FAM204A: variants seen among roughly 807,000 people sequenced by gnomAD.
The protein encoded by FAM204A is family with sequence similarity 204 member A, also known as protein FAM204A.
A neutral mutation model predicts 35.4 loss-of-function variants in FAM204A; 16 were observed. The observed-to-expected ratio is 0.45, with a 90% CI of 0.31 to 0.69. The LOEUF is 0.69. Ranked by LOEUF, FAM204A falls within the 30% of genes least tolerant of loss-of-function variation. The pLI is 0.07. For synonymous variants in FAM204A, 76 were observed against 86.9 expected (o/e 0.88, Z 0.70); for missense variants, 240 against 265.7 (o/e 0.90, Z 0.67).
At position 118,306,305 on chromosome 10, in the gene FAM204A, G is replaced by A. The variant is rs1324591627; in HGVS notation, c.*4552C>T. ...AAACCTGGCAGGGGAGCACTTAGGAGCCGAGGTTTCTCTTGGGCACTACCC... is the reference window on the plus strand; with the variant it reads ...AAACCTGGCAGGGGAGCACTTAGGAACCGAGGTTTCTCTTGGGCACTACCC... On this transcript the variant is annotated 3_prime_UTR_variant, in exon 9 of 9. Transcript: ENST00000369183. 6.6e-6 allele frequency: 1 copy of A among 152,288 alleles called. No individual in the cohort carries two copies. Among genetic ancestry groups the A allele is most frequent in the Non-Finnish European group, 1.5e-5 (1 of 68,094 alleles). The allele number at this position is 152,288 out of a possible 1,614,324, so 9.4% of individuals were successfully genotyped here.
chr10:118,327,577 C>T (rs935341291), intron 6 of FAM204A, among the ~76,000 whole-genome samples: 22 of 152,154 alleles, frequency 1.4e-4, no homozygotes, highest in Non-Finnish European at 2.2e-4. Context: ...AGAAACATCC[C>T]TTTCTTCCAT....
chr10:118,319,730 C>A (rs562942868), intron 7 of FAM204A, among the ~76,000 whole-genome samples: 1 of 151,768 alleles, frequency 6.6e-6, no homozygotes, highest in Non-Finnish European at 1.5e-5. Flanking sequence ...AAGATGGCAG[C>A]GCATTATAAC....
chr10:118,326,340 A>T (rs1846197309), intron 6 of FAM204A, 97 bp from the exon 7 acceptor site: 5 of 992,400 alleles, frequency 5.0e-6, no homozygotes, highest in Non-Finnish European at 7.8e-6. Flanking sequence ...GTGTTACACA[A>T]GTAGACCATT....
rs1208616480 is a variant in FAM204A at position 118,300,582 on chromosome 10, CAT to C, written c.*10273_*10274del. Reference sequence around the variant, plus strand: ...ACATTAATAAAATCATCAAAAACCACATAAACTTCAAAGCAGTATATATCATA... The same window carrying C: ...ACATTAATAAAATCATCAAAAACCACAAACTTCAAAGCAGTATATATCATA... On this transcript the variant is annotated 3_prime_UTR_variant, in exon 9 of 9. Transcript: ENST00000369183. 1 of 152,148 alleles carries C rather than the reference CAT, an allele frequency of 6.6e-6. No homozygotes were observed. Among genetic ancestry groups the C allele is most frequent in the Admixed American group, 6.5e-5 (1 of 15,280 alleles). 9.4% of individuals were successfully genotyped at this position (152,148 alleles called of 1,614,324 possible).
At chr10:118,337,145 G>C (rs1329988153) in intron 2 of FAM204A, 1 of 658,180 alleles carries the variant, frequency 1.5e-6, no homozygotes, top group Non-Finnish European at 1.9e-6. Context: ...CATTAGTAGA[G>C]AGAACCATTA....
rs773850493 is a variant in FAM204A at position 118,300,868 on chromosome 10, A to T, written c.*9989T>A. 1 of 152,254 alleles carries T rather than the reference A, an allele frequency of 6.6e-6. No homozygotes were observed. Among genetic ancestry groups the T allele is most frequent in the Non-Finnish European group, 1.5e-5 (1 of 68,066 alleles). The allele number at this position is 152,254 out of a possible 1,614,324, so 9.4% of individuals were successfully genotyped here. A position where few individuals can be genotyped will look rare whatever the true frequency, so the allele number is the denominator to read the frequency against. ...CTAAGCACAAATGCAATACAGCAAC[A>T]TCAGTAATGGTAACTGAGTGCTTAC... On this transcript the variant is annotated 3_prime_UTR_variant, in exon 9 of 9. Transcript: ENST00000369183.
rs192752749 is a variant in FAM204A at position 118,300,562 on chromosome 10, A to T, written c.*10295T>A. 46 of 152,324 alleles carry T rather than the reference A, an allele frequency of 3.0e-4. No individual in the cohort carries two copies. Among genetic ancestry groups the T allele is most frequent in the African/African-American group, 9.9e-4 (41 of 41,574 alleles). 9.4% of individuals were successfully genotyped at this position (152,324 alleles called of 1,614,324 possible). A position where few individuals can be genotyped will look rare whatever the true frequency, so the allele number is the denominator to read the frequency against. ...ATATGCTAGGACTATTATGCACATT[A>T]ATAAAATCATCAAAAACCACATAAA... On this transcript the variant is annotated 3_prime_UTR_variant, in exon 9 of 9. Transcript: ENST00000369183.
At chr10:118,341,536 G>A (rs1258660066) in intron 2 of FAM204A, among the ~76,000 whole-genome samples, 191 bp downstream of exon 2, 3 of 152,186 alleles carry the variant, frequency 2.0e-5, no homozygotes, top group East Asian at 3.8e-4. Flanking sequence ...ACAGGCCTGA[G>A]AGCGAATCCA....
chr10:118,318,264 A>T (rs1461332439), intron 7 of FAM204A, among the ~76,000 whole-genome samples: 1 of 152,052 alleles, frequency 6.6e-6, no homozygotes, highest in African/African-American at 2.4e-5. Context: ...GACATAAAAT[A>T]TATTTTGCCA....
chr10:118,306,043 A>C lies in FAM204A; in HGVS notation c.*4814T>G, dbSNP rs1419879039. ...CAGAACTTACAGATGAATATGAAAC[A>C]GACATCAATAATTACAGCTTGCACT... On this transcript the variant is annotated 3_prime_UTR_variant, in exon 9 of 9. Transcript: ENST00000369183. 1 of 152,290 alleles carries C rather than the reference A, an allele frequency of 6.6e-6. No homozygotes were observed. The highest frequency in any genetic ancestry group is 2.4e-5 in the African/African-American group (1 of 41,472). 9.4% of individuals were successfully genotyped at this position (152,290 alleles called of 1,614,324 possible).
rs1214552656 is a variant in FAM204A at position 118,307,148 on chromosome 10, TC to T, written c.*3708del. The T allele has an allele frequency of 6.6e-6, 1 of 152,206 alleles. No individual in the cohort carries two copies. The highest frequency in any genetic ancestry group is 2.4e-5 in the African/African-American group (1 of 41,448). 9.4% of individuals were successfully genotyped at this position (152,206 alleles called of 1,614,324 possible). On this transcript the variant is annotated 3_prime_UTR_variant, in exon 9 of 9. Coordinates refer to ENST00000369183, the MANE Select transcript of FAM204A (RefSeq NM_022063.3). ...TACTCTGATTACCTCATAATAAAAA[TC>T]ACTTGAGATGCACTGCCGTGGGTTT...
chr10:118,323,897 A>T (rs1057209955), intron 7 of FAM204A, among the ~76,000 whole-genome samples: 1 of 152,160 alleles, frequency 6.6e-6, no homozygotes, highest in Non-Finnish European at 1.5e-5. Flanking sequence ...AAAAGAGTCT[A>T]CTTACTAACA....
At chr10:118,335,499 A>C in intron 4 of FAM204A, 55 bp downstream of exon 4, 2 of 1,601,720 alleles carry the variant, frequency 1.2e-6, no homozygotes, top group Non-Finnish European at 1.7e-6. Flanking sequence ...AAATGGTTAA[A>C]CTCAGTCACA....
intron 2 of FAM204A, among the ~76,000 whole-genome samples, chr10:118,340,233 C>A (rs933530654): frequency 6.6e-6 from 1 of 152,084 alleles, no homozygotes; most frequent in African/African-American, 2.4e-5. Context: ...GTTGAGTAGA[C>A]ACAATCTTTC....
In FAM204A at chr10:118,305,987, G is replaced by A. The variant is rs1354186918; in HGVS notation, c.*4870C>T. 1 of 152,238 alleles carries A rather than the reference G, an allele frequency of 6.6e-6. No individual in the cohort carries two copies. Among genetic ancestry groups the A allele is most frequent in the Non-Finnish European group, 1.5e-5 (1 of 68,040 alleles). The allele number at this position is 152,238 out of a possible 1,614,324, so 9.4% of individuals were successfully genotyped here. ...GCTGAGACACATTCAGCCTGAAGAT[G>A]AAGTGATATATTGACTTCTTGATCA... On this transcript the variant is annotated 3_prime_UTR_variant, in exon 9 of 9. Transcript: ENST00000369183.
At chr10:118,331,080 T>G (rs1471549156) in intron 6 of FAM204A, among the ~76,000 whole-genome samples, 1 of 152,182 alleles carries the variant, frequency 6.6e-6, no homozygotes, top group African/African-American at 2.4e-5. Context: ...AAGAGAAGGC[T>G]TATCTCTATA....
intron 7 of FAM204A, 44 bp downstream of exon 7, chr10:118,326,110 A>C: frequency 6.9e-7 from 1 of 1,457,568 alleles, no homozygotes; most frequent in East Asian, 2.3e-5. Flanking sequence ...AATTTATTCT[A>C]GAAAATTTGA....
At chr10:118,330,555 C>T (rs896053912) in intron 6 of FAM204A, among the ~76,000 whole-genome samples, 1 of 152,172 alleles carries the variant, frequency 6.6e-6, no homozygotes, top group South Asian at 2.1e-4. Flanking sequence ...GAATGAGTAA[C>T]CCTCCTAGAA....
intron 7 of FAM204A, 122 bp from the exon 8 acceptor site, chr10:118,311,435 C>G: frequency 1.3e-6 from 1 of 741,908 alleles, no homozygotes; most frequent in South Asian, 2.0e-5. Context: ...ATTAGAAATT[C>G]TATGTTCATT....
Sources: gnomAD v4.1 joint callset for allele counts (sites outside exome capture counted in the v4.1 genomes callset) on GRCh38, gnomAD v4.1.1 for gene constraint, MANE v1.5 for transcripts, NCBI Gene and HGNC (gene_info 2026-07-23, HGNC 2026-07-21) for gene names.